Variants in CASK observed in about 807,000 individuals in gnomAD.
CASK encodes the protein calcium/calmodulin dependent serine protein kinase.
Under a neutral mutation model 82.9 loss-of-function variants are expected in CASK, and 4 were observed. The ratio of observed to expected loss-of-function variants is 0.05; its 90% CI spans 0.02 to 0.11. The LOEUF (loss-of-function observed/expected upper bound fraction) is 0.11. CASK is among the 10% of genes least tolerant of loss of function. CASK has a pLI of 1.00. For synonymous variants in CASK, 259 were observed against 253.5 expected, an observed-to-expected ratio of 1.02 and a Z score of -0.20; for missense variants, 358 against 720.9, an observed-to-expected ratio of 0.50 and a Z score of 5.76.
rs138569334 is a variant in CASK, at chrX:41,620,547, A to G, written c.1033+2070T>C. Reference sequence around the variant, plus strand: ...TGCAAGCACAATACTTTTTAAAAAAAATCTGCTTACTAAGGTATACTGTTT... The same window carrying G: ...TGCAAGCACAATACTTTTTAAAAAAGATCTGCTTACTAAGGTATACTGTTT... On this transcript the variant is annotated intron_variant, in intron 11 of 26. Coordinates refer to ENST00000378163, the MANE Select transcript of CASK (RefSeq NM_001367721.1). Among the ~76,000 whole-genome samples, 570 of 112,122 alleles carry G rather than the reference A, an allele frequency of 5.1e-3. 3 individuals are homozygous for G. The highest frequency in any genetic ancestry group is 8.9e-3 in the Non-Finnish European group (473 of 53,223).
chrX:41,892,218 G>A (rs1264453212), intron 1 of CASK, among the ~76,000 whole-genome samples: 1 of 106,685 alleles, frequency 9.4e-6, no homozygotes, highest in Non-Finnish European at 1.9e-5. Flanking sequence ...ATAGTTCAAC[G>A]AGAATTTTTT....
intron 3 of CASK, among the ~76,000 whole-genome samples, chrX:41,774,792 C>G (rs1177591588): frequency 9.1e-6 from 1 of 110,048 alleles, no homozygotes; most frequent in Non-Finnish European, 1.9e-5. Flanking sequence ...GGAAAGGATT[C>G]CCTATTTAAT....
In CASK at chrX:41,702,420, T is replaced by TA. The variant is rs1175934339; in HGVS notation, c.430-30891dup. ...AATAAATAAATAAATTACAATAAAATAAAAAAACATAAATTGCCATTAATA... is the reference window on the plus strand; with the variant it reads ...AATAAATAAATAAATTACAATAAAATAAAAAAAACATAAATTGCCATTAATA... On this transcript the variant is annotated intron_variant, in intron 5 of 26. Coordinates refer to ENST00000378163, the MANE Select transcript of CASK (RefSeq NM_001367721.1). Among the ~76,000 whole-genome samples, 720 of 108,761 alleles carry TA rather than the reference T, an allele frequency of 6.6e-3. 9 individuals are homozygous for TA. Among genetic ancestry groups the TA allele is most frequent in the African/African-American group, 0.023 (684 of 29,827 alleles). 94.4% of individuals were successfully genotyped at this position (108,761 alleles called of 115,157 possible).
At chrX:41,695,310 CTTTT>C (rs1331604938) in intron 5 of CASK, among the ~76,000 whole-genome samples, 1 of 87,759 alleles carries the variant, frequency 1.1e-5, no homozygotes. Context: ...TTTACACTGT[CTTTT>C]TTTTTTTTTT....
intron 6 of CASK, among the ~76,000 whole-genome samples, chrX:41,668,714 GATAA>G (rs1049120057): frequency 5.4e-5 from 6 of 110,827 alleles, no homozygotes; most frequent in African/African-American, 2.0e-4. Flanking sequence ...CTTTAAAGTT[GATAA>G]ATAATTAAAT....
In CASK at chrX:41,894,837, A is replaced by G. The variant is rs773435953; in HGVS notation, c.59+28093T>C. ...AAAAAGAATTAATCAGAAAGCGCTT[A>G]GCATTTAAAGCAAGGTAATGACAAG... On this transcript the variant is annotated intron_variant, in intron 1 of 26. Transcript: ENST00000378163. Among the ~76,000 whole-genome samples the G allele has an allele frequency of 4.5e-5, 5 of 112,189 alleles. No individual in the cohort carries two copies. In the South Asian group the frequency reaches 1.8e-3, roughly 41 times the overall value.
At chrX:41,861,883 T>C (rs1188343651) in intron 1 of CASK, among the ~76,000 whole-genome samples, 1 of 102,352 alleles carries the variant, frequency 9.8e-6, no homozygotes, top group African/African-American at 3.5e-5. Flanking sequence ...ACAGTATATA[T>C]AGTATAATAT....
chrX:41,618,304 G>GT (rs918601626), intron 11 of CASK, among the ~76,000 whole-genome samples: 16 of 111,120 alleles, frequency 1.4e-4, no homozygotes, highest in South Asian at 3.7e-4. Context: ...GCAGGCAAGT[G>GT]TTTTTTTTGT....
chrX:41,771,676 C>T (rs1468565410), intron 3 of CASK, among the ~76,000 whole-genome samples: 1 of 110,570 alleles, frequency 9.0e-6, no homozygotes, highest in Non-Finnish European at 1.9e-5. Flanking sequence ...ACTAAGATAA[C>T]AGAAAAGAGT....
At position 41,587,103 on chromosome X, in the gene CASK, T is replaced by G. The variant is rs954675991; in HGVS notation, c.1234-116A>C. 3 of 482,517 alleles carry G rather than the reference T, an allele frequency of 6.2e-6. No individual in the cohort carries two copies. In the African/African-American group the frequency reaches 7.2e-5, roughly 12 times the overall value. 39.8% of individuals were successfully genotyped at this position (482,517 alleles called of 1,213,427 possible). ...TTTTATGGCAGGCAAAACAATTATT[T>G]TGAAAAACTTTTCATTTTATTCAAA... On this transcript the variant is annotated intron_variant, in intron 13 of 26. Transcript: ENST00000378163.
At chrX:41,835,035 T>C (rs948829998) in intron 2 of CASK, among the ~76,000 whole-genome samples, 1 of 112,106 alleles carries the variant, frequency 8.9e-6, no homozygotes, top group African/African-American at 3.2e-5. Flanking sequence ...AATTCCTGTC[T>C]TTATCTATTT....
intron 16 of CASK, among the ~76,000 whole-genome samples, chrX:41,565,853 C>T (rs1476080055): frequency 9.0e-6 from 1 of 111,701 alleles, no homozygotes; most frequent in African/African-American, 3.3e-5. Context: ...ACTGGAACGT[C>T]GAATCCAGCA....
At chrX:41,879,859 T>A (rs1181175166) in intron 1 of CASK, among the ~76,000 whole-genome samples, 1 of 112,018 alleles carries the variant, frequency 8.9e-6, no homozygotes, top group East Asian at 2.8e-4. Flanking sequence ...TTTGAACAGG[T>A]AAAAATACAC....
At chrX:41,620,971 A>G (rs1169023019) in intron 11 of CASK, among the ~76,000 whole-genome samples, 1 of 111,968 alleles carries the variant, frequency 8.9e-6, no homozygotes, top group Non-Finnish European at 1.9e-5. Flanking sequence ...ATGCTTCCAT[A>G]TAGAAACATC....
chrX:41,718,349 G>A (rs2068098371), intron 5 of CASK, among the ~76,000 whole-genome samples: 1 of 113,141 alleles, frequency 8.8e-6, no homozygotes, highest in Admixed American at 9.3e-5. Flanking sequence ...GACCCAAAGA[G>A]GGGCTGTGGG....
rs926046239 is a variant in CASK, at chrX:41,515,343, T to TA, written c.*5076dup. 8.9e-6 allele frequency: 1 copy of TA among 112,613 alleles called. No individual in the cohort carries two copies. Among genetic ancestry groups the TA allele is most frequent in the Non-Finnish European group, 1.9e-5 (1 of 53,309 alleles). 9.3% of individuals were successfully genotyped at this position (112,613 alleles called of 1,213,427 possible). On this transcript the variant is annotated 3_prime_UTR_variant, in exon 27 of 27. Coordinates refer to ENST00000378163, the MANE Select transcript of CASK (RefSeq NM_001367721.1). ...GGCTCTGCTGTACCCTGCAAATACT[T>TA]ACAATTGGATACGGTGAAATATACA... is the stretch of plus-strand genomic sequence containing the variant.
At chrX:41,588,698 A>T (rs888265480) in intron 13 of CASK, among the ~76,000 whole-genome samples, 3 of 110,745 alleles carry the variant, frequency 2.7e-5, no homozygotes, top group Non-Finnish European at 3.8e-5. Context: ...AATTTTTCTA[A>T]AAGAAAAATG....
At chrX:41,829,509 T>A (rs779928710) in intron 2 of CASK, among the ~76,000 whole-genome samples, 2 of 102,524 alleles carry the variant, frequency 2.0e-5, no homozygotes, top group Non-Finnish European at 4.0e-5. Flanking sequence ...ACAGTGGTAT[T>A]TATTTATGTC....
At chrX:41,886,936 C>G (rs1247439747) in intron 1 of CASK, among the ~76,000 whole-genome samples, 1 of 111,210 alleles carries the variant, frequency 9.0e-6, no homozygotes, top group Non-Finnish European at 1.9e-5. Context: ...AGCTTTCTTT[C>G]TTGCTATTAC....
Sources: allele counts gnomAD v4.1 joint callset (sites outside exome capture counted in the v4.1 genomes callset), GRCh38; gene constraint gnomAD v4.1.1; transcripts MANE v1.5; gene names NCBI Gene and HGNC (gene_info 2026-07-23, HGNC 2026-07-21).